CRHR2: variants seen among roughly 807,000 people sequenced by gnomAD.
CRHR2 encodes corticotropin releasing hormone receptor 2, also known as corticotropin-releasing hormone receptor 2.
In CRHR2, 53 loss-of-function variants were observed where a neutral mutation model predicts 57.9. The observed-to-expected ratio is 0.92, with a 90% confidence interval of 0.73 to 1.15. CRHR2 has a LOEUF of 1.15. Ranked by LOEUF, CRHR2 falls within the 50% of genes most tolerant of loss-of-function variation. The probability of loss-of-function intolerance (pLI) is 0.00; values close to 1 mark genes in which losing one functional copy is unlikely to be tolerated. For missense variants in CRHR2, 532 were observed against 542.6 expected, an observed-to-expected ratio of 0.98 and a Z score of 0.19; for synonymous variants, 213 against 220.9, an observed-to-expected ratio of 0.96 and a Z score of 0.32.
chr7:30,660,716 G>C, intron 7 of CRHR2, 71 bp from the exon 8 acceptor site: 2 of 1,447,852 alleles, frequency 1.4e-6, no homozygotes, highest in South Asian at 2.4e-5. Flanking sequence ...CTTGGGCCCA[G>C]GGTCCTCCAG....
Position 30,653,542 on chromosome 7 carries a change from A to T in CRHR2, c.1154T>A (p.Val385Asp), listed in dbSNP as rs202000400. Residue 385 changes from valine (V) to aspartate (D), a missense_variant, in exon 12 of 12, where the codon GTC (valine) becomes GAC (aspartate). Coordinates refer to ENST00000471646, the MANE Select transcript of CRHR2 (RefSeq NM_001883.5). The surrounding 1 kb of genome is among the most constrained non-coding windows in gnomAD (Gnocchi z 5.0). Reference sequence around the variant, plus strand: ...GATGGACATGGCCCGGGCCATGGGGACTCGAAGGGAGTGATGGTCCTGCCA... The same window carrying T: ...GATGGACATGGCCCGGGCCATGGGGTCTCGAAGGGAGTGATGGTCCTGCCA... ...HRWQDHHSLR[V>D]PMARAMSIPT... 2.0e-5 allele frequency: 33 copies of T among 1,613,294 alleles called. No individual in the cohort carries two copies. Among genetic ancestry groups the T allele is most frequent in the Non-Finnish European group, 2.8e-5 (33 of 1,179,908 alleles).
rs758931520 is a variant in CRHR2 at position 30,671,989 on chromosome 7, A to G, written c.230-4676T>C. 3.9e-5 allele frequency among the ~76,000 whole-genome samples: 6 copies of G among 152,208 alleles called. No homozygotes were observed. The East Asian group carries it at 9.6e-4, about 24-fold the overall frequency. On this transcript the variant is annotated intron_variant, in intron 2 of 11. Coordinates refer to ENST00000471646, the MANE Select transcript of CRHR2 (RefSeq NM_001883.5). ...GAGGGCCAGAAGCAATATTTACAGA[A>G]GGAATGAAGTCACTACATGGGATCG...
chr7:30,663,751 C>A (rs1197465771), intron 5 of CRHR2, among the ~76,000 whole-genome samples: 1 of 152,238 alleles, frequency 6.6e-6, no homozygotes. Flanking sequence ...TCAACAGACC[C>A]CACCTGGTCA....
At chr7:30,689,279 G>C in exon 2 of CRHR2, 1 of 1,550,172 alleles carries the variant, frequency 6.5e-7, no homozygotes, top group South Asian at 1.2e-5. Context: ...GGCTCTGCCC[G>C]GCTGCCTAGG....
At chr7:30,693,396 C>G (rs1784996172) in intron 1 of CRHR2, among the ~76,000 whole-genome samples, 1 of 152,146 alleles carries the variant, frequency 6.6e-6, no homozygotes, top group Non-Finnish European at 1.5e-5. Flanking sequence ...CGTGAAACCC[C>G]TCAAAGGTGG....
chr7:30,666,984 C>T (rs567092247), intron 3 of CRHR2, among the ~76,000 whole-genome samples: 1 of 152,306 alleles, frequency 6.6e-6, no homozygotes, highest in Non-Finnish European at 1.5e-5. Context: ...GTGTCACATG[C>T]CACCTTGGCT....
chr7:30,664,477 G>T (rs1433009451), intron 5 of CRHR2, among the ~76,000 whole-genome samples: 1 of 152,232 alleles, frequency 6.6e-6, no homozygotes, highest in Non-Finnish European at 1.5e-5. Context: ...AGGATTAAGT[G>T]AGAGAAAGCT....
upstream of CRHR2, among the ~76,000 whole-genome samples, chr7:30,683,436 G>A (rs1432017655): frequency 6.6e-6 from 1 of 152,270 alleles, no homozygotes; most frequent in Admixed American, 6.5e-5. Flanking sequence ...CCCCACCCTG[G>A]CCCAGAATGC....
chr7:30,680,943 C>G (rs1784682656), intron 2 of CRHR2, among the ~76,000 whole-genome samples: 1 of 151,796 alleles, frequency 6.6e-6, no homozygotes, highest in African/African-American at 2.4e-5. Context: ...ACAAACAATC[C>G]AGATAGGGTC....
chr7:30,691,103 G>C (rs1360929507), intron 1 of CRHR2, among the ~76,000 whole-genome samples: 2 of 152,092 alleles, frequency 1.3e-5, no homozygotes, highest in Non-Finnish European at 2.9e-5. Flanking sequence ...CTGGGGAGGG[G>C]AGGGAACACT....
rs1459978133 is a variant in CRHR2 at position 30,693,747 on chromosome 7, T to C, written c.-260-4463A>G. 2.9e-5 allele frequency among the ~76,000 whole-genome samples: 4 copies of C among 138,838 alleles called. No homozygotes were observed. The East Asian group carries it at 5.8e-4, about 20-fold the overall frequency. The allele number at this position is 138,838 out of a possible 152,430, so 91.1% of individuals were successfully genotyped here. A position where few individuals can be genotyped will look rare whatever the true frequency, so the allele number is the denominator to read the frequency against. ...CTGAGGCTTTACCTGTGGAGGCTGA[T>C]GCCAACTCCAGGAAGATAGCATCAG... On this transcript the variant is annotated intron_variant, in intron 1 of 13. Coordinates refer to the CRHR2 transcript ENST00000341843.
At chr7:30,664,268 A>C (rs1301257883) in intron 5 of CRHR2, among the ~76,000 whole-genome samples, 1 of 152,262 alleles carries the variant, frequency 6.6e-6, no homozygotes, top group Non-Finnish European at 1.5e-5. Context: ...TGATGGCCCA[A>C]GACTAGTCTA....
intron 1 of CRHR2, among the ~76,000 whole-genome samples, chr7:30,697,040 G>A (rs1035977164): frequency 3.3e-5 from 5 of 152,190 alleles, no homozygotes; most frequent in Admixed American, 3.3e-4. Flanking sequence ...GAATTTTTGG[G>A]AAAAGTCATT....
intron 8 of CRHR2, among the ~76,000 whole-genome samples, chr7:30,659,970 A>G (rs1456007756): frequency 3.9e-5 from 6 of 152,188 alleles, no homozygotes; most frequent in Non-Finnish European, 8.8e-5. Flanking sequence ...GGTATGATAT[A>G]TAATGGGTTC....
Position 30,653,399 on chromosome 7 carries a change from AGAACCCAGAG to A in CRHR2, c.*51_*60del. ...CCCCACGAGAGCCTGCCCAGCACAG[AGAACCCAGAG>A]GAAGAAGGTGGAGGAGGACAGGGGA... On this transcript the variant is annotated 3_prime_UTR_variant, in exon 12 of 12. Transcript: ENST00000471646. This position sits in a 1 kb window ranked among gnomAD's most constrained non-coding sequence, Gnocchi z 5.0. The A allele has an allele frequency of 6.3e-7, 1 of 1,586,604 alleles. No homozygotes were observed. Among genetic ancestry groups the A allele is most frequent in the African/African-American group, 1.3e-5 (1 of 74,638 alleles).
intron 2 of CRHR2, among the ~76,000 whole-genome samples, chr7:30,674,161 A>G (rs1453545476): frequency 1.3e-5 from 2 of 152,144 alleles, no homozygotes; most frequent in African/African-American, 4.8e-5. Context: ...ACAGTGGGGA[A>G]ACTGAGTCAT....
intron 2 of CRHR2, among the ~76,000 whole-genome samples, chr7:30,681,121 C>A (rs2128148238): frequency 6.6e-6 from 1 of 152,268 alleles, no homozygotes; most frequent in South Asian, 2.1e-4. Context: ...AGAACCCACA[C>A]TGAACGACCC....
intron 1 of CRHR2, among the ~76,000 whole-genome samples, chr7:30,694,688 T>C (rs1476724495): frequency 1.3e-5 from 2 of 151,964 alleles, no homozygotes; most frequent in Admixed American, 1.3e-4. Flanking sequence ...TTCCACCCCA[T>C]GTTTGCTTTC....
intron 1 of CRHR2, among the ~76,000 whole-genome samples, chr7:30,692,425 C>T (rs1376456434): frequency 1.3e-5 from 2 of 152,166 alleles, no homozygotes; most frequent in Admixed American, 6.5e-5. Flanking sequence ...TCACTGAGCT[C>T]GCCCCTCAGC....
Sources: allele counts gnomAD v4.1 joint callset (sites outside exome capture counted in the v4.1 genomes callset), GRCh38; gene constraint gnomAD v4.1.1; non-coding constraint Gnocchi (gnomAD v3.1); transcripts MANE v1.5; gene names NCBI Gene and HGNC (gene_info 2026-07-23, HGNC 2026-07-21).